The following TTC8 variants were observed in gnomAD, a reference collection of about 807,000 sequenced individuals.
TTC8 encodes the protein tetratricopeptide repeat protein 8.
TTC8 carries 47 observed loss-of-function variants against 72.5 expected under a neutral mutation model. The observed-to-expected ratio is 0.65, with a 90% CI of 0.51 to 0.83. The LOEUF (loss-of-function observed/expected upper bound fraction) is 0.83, where lower values mean the gene tolerates loss of function less well. Among genes scored for constraint, TTC8 ranks in the 40% least tolerant of loss-of-function variants. The pLI, the probability that TTC8 is intolerant of heterozygous loss-of-function variation, is 0.00. For missense variants in TTC8, 611 were observed against 623.2 expected (o/e 0.98, Z 0.21); for synonymous variants, 199 against 221.4 (o/e 0.90, Z 0.90).
chr14:88,864,783 G>C (rs2094902802), intron 10 of TTC8, among the ~76,000 whole-genome samples: 1 of 152,148 alleles, frequency 6.6e-6, no homozygotes, highest in Non-Finnish European at 1.5e-5. Flanking sequence ...TTATGTAAAG[G>C]TTTACCACAC....
At chr14:88,875,403 G>C (rs1395861057) in intron 14 of TTC8, among the ~76,000 whole-genome samples, 1 of 152,096 alleles carries the variant, frequency 6.6e-6, no homozygotes, top group South Asian at 2.1e-4. Flanking sequence ...CTCCTGGTTT[G>C]GGAAATGTTT....
chr14:88,845,249 AAGAC>A (rs1488022749), intron 7 of TTC8, among the ~76,000 whole-genome samples: 1 of 152,214 alleles, frequency 6.6e-6, no homozygotes, highest in African/African-American at 2.4e-5. Context: ...GGACAAAGGA[AAGAC>A]AGACAGGTCA....
At chr14:88,842,951 G>GT (rs71456665) in intron 6 of TTC8, among the ~76,000 whole-genome samples, 93 of 146,988 alleles carry the variant, frequency 6.3e-4, no homozygotes, top group East Asian at 1.4e-3. Context: ...TTATAGGTTT[G>GT]TTTTTTTTTT....
At chr14:88,851,118 A>G (rs970547946) in intron 7 of TTC8, among the ~76,000 whole-genome samples, 3 of 152,182 alleles carry the variant, frequency 2.0e-5, no homozygotes, top group African/African-American at 4.8e-5. Context: ...GTGATGCTAC[A>G]CTAGAGTCAG....
chr14:88,856,803 A>G (rs2094858088), intron 8 of TTC8, among the ~76,000 whole-genome samples: 1 of 152,238 alleles, frequency 6.6e-6, no homozygotes. Context: ...AGAGATTTTC[A>G]AATAAATGTC....
At chr14:88,824,402 G>GA (rs1419499791), upstream of TTC8, among the ~76,000 whole-genome samples, 1 of 152,166 alleles carries the variant, frequency 6.6e-6, no homozygotes, top group African/African-American at 2.4e-5. Flanking sequence ...GAGGGTGGGG[G>GA]ACCCCAGGGG....
chr14:88,836,146 A>G (rs891991259), intron 2 of TTC8, among the ~76,000 whole-genome samples: 1 of 152,134 alleles, frequency 6.6e-6, no homozygotes, highest in Non-Finnish European at 1.5e-5. Context: ...TTAAATTAAT[A>G]TTTTTCTATC....
In TTC8 at chr14:88,837,229, T is replaced by G. The variant is rs373127740; in HGVS notation, c.145-2223T>G. Among the ~76,000 whole-genome samples the G allele has an allele frequency of 2.0e-5, 3 of 152,106 alleles. No individual in the cohort carries two copies. In the South Asian group the frequency reaches 6.2e-4, roughly 32 times the overall value. Reference sequence around the variant, plus strand: ...CTTTTTCTCCAACCTCTTCCCTCATTCTTCACCTACACTCAATTCTCCTAG... The same window carrying G: ...CTTTTTCTCCAACCTCTTCCCTCATGCTTCACCTACACTCAATTCTCCTAG... On this transcript the variant is annotated intron_variant, in intron 2 of 14. Transcript: ENST00000380656.
At chr14:88,824,341 G>A (rs2094688173), upstream of TTC8, 1 of 267,686 alleles carries the variant, frequency 3.7e-6, no homozygotes, top group Non-Finnish European at 7.3e-6. Flanking sequence ...GACTCTTCCG[G>A]ACCTGCAGGG....
chr14:88,850,834 C>T (rs971870555), intron 7 of TTC8, among the ~76,000 whole-genome samples: 4 of 152,148 alleles, frequency 2.6e-5, no homozygotes, highest in African/African-American at 9.7e-5. Context: ...TCAAAAGGTC[C>T]TGAGAAAGTG....
intron 2 of TTC8, among the ~76,000 whole-genome samples, chr14:88,837,856 C>T (rs1426343612): frequency 6.6e-6 from 1 of 151,968 alleles, no homozygotes; most frequent in African/African-American, 2.4e-5. Flanking sequence ...TCTCACAGTT[C>T]CAATTGGAGT....
At chr14:88,825,620 T>C (rs1018972524) in intron 1 of TTC8, among the ~76,000 whole-genome samples, 1 of 152,224 alleles carries the variant, frequency 6.6e-6, no homozygotes, top group Non-Finnish European at 1.5e-5. Context: ...GAAGTAGCGC[T>C]GCGGCAGTTT....
rs1198910548 is a variant in TTC8, at chr14:88,873,303, C to G, written c.1347+851C>G. On this transcript the variant is annotated intron_variant, in intron 13 of 14. Transcript: ENST00000380656. ...TGGAGTGTTCTTCCTTCAGATCTTG[C>G]AATGACAAATTTCTGTCTTGTCATT... Among the ~76,000 whole-genome samples, 3 of 152,200 alleles carry G rather than the reference C, an allele frequency of 2.0e-5. No homozygotes were observed. The East Asian group carries it at 5.8e-4, about 29-fold the overall frequency.
At position 88,877,493 on chromosome 14, in the gene TTC8, A is replaced by G. The variant is rs147325843; in HGVS notation, c.*83A>G. 9.1e-4 allele frequency: 980 copies of G among 1,081,278 alleles called. 13 individuals carry two copies. The East Asian group carries it at 0.021, about 23-fold the overall frequency. 67.0% of individuals were successfully genotyped at this position (1,081,278 alleles called of 1,614,324 possible). A position where few individuals can be genotyped will look rare whatever the true frequency, so the allele number is the denominator to read the frequency against. On this transcript the variant is annotated 3_prime_UTR_variant, in exon 15 of 15. Transcript: ENST00000380656. ...ACTATGTCTGTGTATGTATGTATAT[A>G]GTGTAATACGTATATTTTAACAAAC...
Position 88,877,571 on chromosome 14 carries a change from T to C in TTC8, c.*161T>C, listed in dbSNP as rs922660683. 1 of 597,156 alleles carries C rather than the reference T, an allele frequency of 1.7e-6. No individual in the cohort carries two copies. Among genetic ancestry groups the C allele is most frequent in the African/African-American group, 1.9e-5 (1 of 53,852 alleles). The allele number at this position is 597,156 out of a possible 1,614,324, so 37.0% of individuals were successfully genotyped here. Reference sequence around the variant, plus strand: ...CATAAGGGTGACACAGAATGTGTAATGCAAATTTCATAGTAATAGTAACTT... The same window carrying C: ...CATAAGGGTGACACAGAATGTGTAACGCAAATTTCATAGTAATAGTAACTT... On this transcript the variant is annotated 3_prime_UTR_variant, in exon 15 of 15. Coordinates refer to ENST00000380656, the MANE Select transcript of TTC8 (RefSeq NM_144596.4).
At chr14:88,859,204 G>T (rs1465128217) in intron 9 of TTC8, among the ~76,000 whole-genome samples, 1 of 151,996 alleles carries the variant, frequency 6.6e-6, no homozygotes, top group African/African-American at 2.4e-5. Flanking sequence ...CTATCACAAT[G>T]ACACATGCAT....
At position 88,824,767 on chromosome 14, in the gene TTC8, C is replaced by T; in HGVS notation, c.60C>T (p.Phe20=). ...LAWSYFRRRK[F]QLCADLCTQM... Reference sequence around the variant, plus strand: ...GGAGCTATTTTAGGCGCAGGAAGTTCCAGCTCTGCGCCGATCTATGCACGC... The same window carrying T: ...GGAGCTATTTTAGGCGCAGGAAGTTTCAGCTCTGCGCCGATCTATGCACGC... The change falls in exon 1 of 15, where the codon TTC becomes TTT. Residue 20 remains phenylalanine, a synonymous_variant. Transcript: ENST00000380656. 1 of 1,613,278 alleles carries T rather than the reference C, an allele frequency of 6.2e-7. No individual in the cohort carries two copies. The highest frequency in any genetic ancestry group is 8.5e-7 in the Non-Finnish European group (1 of 1,179,726).
chr14:88,838,695 G>A (rs1008628727), intron 2 of TTC8, among the ~76,000 whole-genome samples: 1 of 152,130 alleles, frequency 6.6e-6, no homozygotes, highest in Admixed American at 6.5e-5. Context: ...TGGTGTACAT[G>A]TTTACATTGA....
Position 88,877,569 on chromosome 14 carries a change from A to G in TTC8, c.*159A>G. The G allele has an allele frequency of 3.3e-6, 2 of 603,814 alleles. No individual in the cohort carries two copies. Among genetic ancestry groups the G allele is most frequent in the South Asian group, 4.3e-5 (2 of 46,780 alleles). 37.4% of individuals were successfully genotyped at this position (603,814 alleles called of 1,614,324 possible). On this transcript the variant is annotated 3_prime_UTR_variant, in exon 15 of 15. Coordinates refer to ENST00000380656, the MANE Select transcript of TTC8 (RefSeq NM_144596.4). ...CACATAAGGGTGACACAGAATGTGT[A>G]ATGCAAATTTCATAGTAATAGTAAC...
Sources: gnomAD v4.1 joint callset for allele counts (sites outside exome capture counted in the v4.1 genomes callset) on GRCh38, gnomAD v4.1.1 for gene constraint, MANE v1.5 for transcripts, NCBI Gene and HGNC (gene_info 2026-07-23, HGNC 2026-07-21) for gene names.